Variants in TAFA1 observed in about 807,000 individuals in gnomAD.
The protein encoded by TAFA1 is chemokine-like protein TAFA-1.
TAFA1 carries 4 observed loss-of-function variants against 18.5 expected under a neutral mutation model. The observed-to-expected ratio is 0.22, with a 90% CI of 0.11 to 0.49. The LOEUF is 0.49. Ranked by LOEUF, TAFA1 falls within the 20% of genes least tolerant of loss-of-function variation. The pLI is 0.98. For missense variants in TAFA1, 147 were observed against 169.0 expected (o/e 0.87, Z 0.72); for synonymous variants, 56 against 55.2 (o/e 1.01, Z -0.06).
intron 3 of TAFA1, among the ~76,000 whole-genome samples, chr3:68,451,499 C>T (rs1189996379): frequency 6.6e-6 from 1 of 152,130 alleles, no homozygotes; most frequent in Non-Finnish European, 1.5e-5. Context: ...TGAAGACAGT[C>T]CTGCATCACA....
rs565104740 is a variant in TAFA1, at chr3:68,252,324, G to A, written c.119-164956G>A. ...TCAATGATCCAATACTAGCCTACAT[G>A]TTCAATTTCATTTCTCCTCATTCTC... On this transcript the variant is annotated intron_variant, in intron 2 of 4. Coordinates refer to ENST00000478136, the MANE Select transcript of TAFA1 (RefSeq NM_213609.4). Among the ~76,000 whole-genome samples the A allele has an allele frequency of 1.4e-4, 22 of 152,190 alleles. No homozygotes were observed. The South Asian group carries it at 4.6e-3, about 32-fold the overall frequency.
At chr3:68,310,623 A>G (rs2068498956) in intron 2 of TAFA1, among the ~76,000 whole-genome samples, 1 of 152,192 alleles carries the variant, frequency 6.6e-6, no homozygotes, top group Non-Finnish European at 1.5e-5. Flanking sequence ...AAGGTGATAT[A>G]TGTTAATGAT....
At chr3:68,314,170 T>C (rs1320423631) in intron 2 of TAFA1, among the ~76,000 whole-genome samples, 1 of 152,140 alleles carries the variant, frequency 6.6e-6, no homozygotes, top group Non-Finnish European at 1.5e-5. Flanking sequence ...TGAAAAATCT[T>C]TAGGAGGAAA....
chr3:68,091,914 GTTT>G (rs2065034167), intron 2 of TAFA1, among the ~76,000 whole-genome samples: 2 of 152,094 alleles, frequency 1.3e-5, no homozygotes, highest in Non-Finnish European at 2.9e-5. Flanking sequence ...ATGACTGCTG[GTTT>G]CCTTAACAGT....
At chr3:68,537,479 G>A (rs2073294400) in intron 3 of TAFA1, among the ~76,000 whole-genome samples, 1 of 152,146 alleles carries the variant, frequency 6.6e-6, no homozygotes, top group East Asian at 1.9e-4. Flanking sequence ...AAGGAGGCCT[G>A]GCTAGCAACG....
chr3:68,019,735 C>T (rs1704646417), intron 2 of TAFA1, among the ~76,000 whole-genome samples: 1 of 152,120 alleles, frequency 6.6e-6, no homozygotes, highest in Non-Finnish European at 1.5e-5. Flanking sequence ...CCTGAAATTT[C>T]CCTTTCCAAT....
chr3:68,153,884 C>G (rs1230941877), intron 2 of TAFA1, among the ~76,000 whole-genome samples: 7 of 152,146 alleles, frequency 4.6e-5, no homozygotes, highest in Non-Finnish European at 7.4e-5. Context: ...AGAAAGCTAT[C>G]CACAAACTTA....
chr3:68,171,072 G>A (rs539989321), intron 2 of TAFA1, among the ~76,000 whole-genome samples: 43 of 152,210 alleles, frequency 2.8e-4, no homozygotes, highest in South Asian at 8.3e-4. Context: ...TTTGTTACAC[G>A]TTACATGGCA....
At chr3:68,485,283 G>A (rs1293739190) in intron 3 of TAFA1, among the ~76,000 whole-genome samples, 5 of 152,090 alleles carry the variant, frequency 3.3e-5, no homozygotes, top group Admixed American at 2.6e-4. Flanking sequence ...ACTGATTCCA[G>A]CCATTTGTTT....
chr3:68,457,856 G>C (rs2071693595), intron 3 of TAFA1, among the ~76,000 whole-genome samples: 1 of 152,062 alleles, frequency 6.6e-6, no homozygotes, highest in African/African-American at 2.4e-5. Context: ...CTTTTTTAGA[G>C]TCCGCATATA....
intron 2 of TAFA1, among the ~76,000 whole-genome samples, chr3:68,027,688 A>C (rs1332316574): frequency 1.3e-5 from 2 of 151,982 alleles, no homozygotes; most frequent in African/African-American, 4.8e-5. Flanking sequence ...GTGGACTTTA[A>C]ATTTGTCTCT....
chr3:68,054,645 C>G (rs1471184503), intron 2 of TAFA1, among the ~76,000 whole-genome samples: 1 of 152,192 alleles, frequency 6.6e-6, no homozygotes, highest in Non-Finnish European at 1.5e-5. Flanking sequence ...TCCATGGCTG[C>G]TTTCACACTA....
intron 2 of TAFA1, among the ~76,000 whole-genome samples, chr3:68,316,766 G>A (rs2068612206): frequency 6.6e-6 from 1 of 152,158 alleles, no homozygotes; most frequent in Non-Finnish European, 1.5e-5. Flanking sequence ...CAATGAATAG[G>A]TGTTGAATGA....
intron 2 of TAFA1, among the ~76,000 whole-genome samples, chr3:68,236,837 C>T (rs970810071): frequency 6.6e-6 from 1 of 152,162 alleles, no homozygotes; most frequent in Non-Finnish European, 1.5e-5. Flanking sequence ...GGAGTAGCAC[C>T]TTCTCATGAG....
intron 2 of TAFA1, among the ~76,000 whole-genome samples, chr3:68,354,920 C>G (rs2069334357): frequency 6.6e-6 from 1 of 152,010 alleles, no homozygotes; most frequent in Non-Finnish European, 1.5e-5. Context: ...GGCCTCACCT[C>G]TCAATACTGT....
intron 3 of TAFA1, among the ~76,000 whole-genome samples, chr3:68,505,205 T>C (rs2072726205): frequency 6.6e-6 from 1 of 152,154 alleles, no homozygotes; most frequent in Admixed American, 6.6e-5. Flanking sequence ...TTTACACTTT[T>C]CAAGTGTTCA....
At chr3:68,486,904 T>C (rs1045002563) in intron 3 of TAFA1, among the ~76,000 whole-genome samples, 1 of 152,236 alleles carries the variant, frequency 6.6e-6, no homozygotes, top group Non-Finnish European at 1.5e-5. Flanking sequence ...GGTATGCTCA[T>C]TTTTAAAACA....
chr3:68,392,822 C>T (rs1194529427), intron 2 of TAFA1, among the ~76,000 whole-genome samples: 1 of 152,140 alleles, frequency 6.6e-6, no homozygotes, highest in African/African-American at 2.4e-5. Flanking sequence ...CACAAAGACA[C>T]AACGTACCAG....
At chr3:68,360,243 C>T (rs776893040) in intron 2 of TAFA1, among the ~76,000 whole-genome samples, 12 of 152,000 alleles carry the variant, frequency 7.9e-5, no homozygotes, top group Admixed American at 2.6e-4. Flanking sequence ...AATAGTTTGA[C>T]TGCACCACTA....
Sources: allele counts gnomAD v4.1 joint callset (sites outside exome capture counted in the v4.1 genomes callset), GRCh38; gene constraint gnomAD v4.1.1; transcripts MANE v1.5; gene names NCBI Gene and HGNC (gene_info 2026-07-23, HGNC 2026-07-21).